The following KIF5C variants were observed in gnomAD, a reference collection of about 807,000 sequenced individuals.
KIF5C encodes the protein kinesin heavy chain isoform 5C.
A neutral mutation model predicts 125.2 loss-of-function variants in KIF5C; 18 were observed. That is an observed-to-expected ratio of 0.14 (90% CI 0.10 to 0.21). KIF5C has a LOEUF of 0.21. KIF5C is among the 10% of genes least tolerant of loss of function. The pLI is 1.00. For missense variants in KIF5C, 780 were observed against 1,183.8 expected (o/e 0.66, Z 5.01); for synonymous variants, 405 against 434.0 (o/e 0.93, Z 0.83).
intron 15 of KIF5C, among the ~76,000 whole-genome samples, chr2:148,985,004 TA>T (rs1415502872): frequency 6.6e-6 from 1 of 152,118 alleles, no homozygotes; most frequent in African/African-American, 2.4e-5. Flanking sequence ...GGTTTCTCCA[TA>T]TTGGCCAGGC....
In KIF5C at chr2:149,007,954, T is replaced by C; in HGVS notation, c.2446-9T>C. On this transcript the variant is annotated splice_polypyrimidine_tract_variant and intron_variant, in intron 22 of 25. Coordinates refer to ENST00000435030, the MANE Select transcript of KIF5C (RefSeq NM_004522.3). ...AGCCTGTCCTGCTGACCCCTTGGTG[T>C]CAATGCAGAGTGTGGAGTTGGACAA... 1.3e-6 allele frequency: 2 copies of C among 1,589,826 alleles called. No individual in the cohort carries two copies. Among genetic ancestry groups the C allele is most frequent in the Non-Finnish European group, 1.7e-6 (2 of 1,163,256 alleles).
intron 4 of KIF5C, among the ~76,000 whole-genome samples, chr2:148,939,908 A>C (rs752946707): frequency 1.3e-5 from 2 of 152,238 alleles, no homozygotes; most frequent in Non-Finnish European, 2.9e-5. Context: ...ATGACAAAAC[A>C]ACAAAATCAC....
At chr2:148,961,518 G>A (rs1325932934) in intron 10 of KIF5C, among the ~76,000 whole-genome samples, 7 of 152,140 alleles carry the variant, frequency 4.6e-5, no homozygotes, top group South Asian at 2.1e-4. Flanking sequence ...CAGAGACCTC[G>A]TCTATCTGTC....
intron 16 of KIF5C, among the ~76,000 whole-genome samples, chr2:148,991,955 G>A (rs559881856): frequency 6.6e-6 from 1 of 152,344 alleles, no homozygotes; most frequent in Admixed American, 6.5e-5. Context: ...TGATATCTGA[G>A]CTTGGTATTT....
chr2:148,993,226 A>G (rs1681573436), intron 16 of KIF5C, among the ~76,000 whole-genome samples: 1 of 152,202 alleles, frequency 6.6e-6, no homozygotes, highest in South Asian at 2.1e-4. Context: ...GGGTGTAGCC[A>G]GAGGAGGGCC....
At chr2:148,928,293 AC>A (rs983519725) in intron 2 of KIF5C, among the ~76,000 whole-genome samples, 1 of 152,194 alleles carries the variant, frequency 6.6e-6, no homozygotes, top group Non-Finnish European at 1.5e-5. Context: ...CCTGAATAGG[AC>A]ACCTCAGTGT....
At chr2:148,954,763 T>A (rs746553788) in intron 10 of KIF5C, among the ~76,000 whole-genome samples, 8 of 152,214 alleles carry the variant, frequency 5.3e-5, no homozygotes, top group Non-Finnish European at 1.2e-4. Flanking sequence ...AGTTTAGTGG[T>A]AGCTAGATTA....
At chr2:148,929,225 C>T in intron 2 of KIF5C, 56 bp from the exon 3 acceptor site, 1 of 1,082,942 alleles carries the variant, frequency 9.2e-7, no homozygotes, top group Non-Finnish European at 1.4e-6. Flanking sequence ...ATGCAACCTA[C>T]ACCAGCATAT....
chr2:148,945,450 T>C (rs75559135), intron 7 of KIF5C, among the ~76,000 whole-genome samples: 16,534 of 152,232 alleles, frequency 0.11, 1,202 homozygotes, highest in Middle Eastern at 0.2. Flanking sequence ...CAACCATATA[T>C]GTGAGGATTT....
In KIF5C at chr2:148,901,730, C is replaced by T. The variant is rs540889876; in HGVS notation, c.127-20407C>T. Among the ~76,000 whole-genome samples, 3 of 152,304 alleles carry T rather than the reference C, an allele frequency of 2.0e-5. No individual in the cohort carries two copies. The South Asian group carries it at 6.2e-4, about 32-fold the overall frequency. On this transcript the variant is annotated intron_variant, in intron 1 of 25. Coordinates refer to ENST00000435030, the MANE Select transcript of KIF5C (RefSeq NM_004522.3). ...CCATGTCAGATACCCCAGTGGCAGG[C>T]TCCTGTCACTGTAGCACTTGGTCCC...
At chr2:149,014,021 T>C (rs1239443717) in intron 25 of KIF5C, among the ~76,000 whole-genome samples, 1 of 152,164 alleles carries the variant, frequency 6.6e-6, no homozygotes, top group Non-Finnish European at 1.5e-5. Flanking sequence ...GCTGCACCCA[T>C]CAACCCATCA....
chr2:148,934,498 A>G (rs1682249096), intron 3 of KIF5C, among the ~76,000 whole-genome samples: 2 of 150,952 alleles, frequency 1.3e-5, no homozygotes, highest in African/African-American at 4.9e-5. Flanking sequence ...CCCCCCACAT[A>G]TACATGCACA....
intron 8 of KIF5C, among the ~76,000 whole-genome samples, chr2:148,949,591 C>T (rs1682608731): frequency 6.6e-6 from 1 of 152,208 alleles, no homozygotes; most frequent in Non-Finnish European, 1.5e-5. Flanking sequence ...GAAGCATCTG[C>T]AGCTCCACCA....
intron 3 of KIF5C, among the ~76,000 whole-genome samples, chr2:148,936,962 T>TTCC (rs1325575721): frequency 6.6e-5 from 10 of 152,120 alleles, no homozygotes; most frequent in Non-Finnish European, 4.4e-5. Context: ...CTGCTCCCTT[T>TTCC]TCCTCCTCCT....
intron 1 of KIF5C, among the ~76,000 whole-genome samples, chr2:148,891,297 G>A (rs1336690238): frequency 6.6e-6 from 1 of 152,086 alleles, no homozygotes; most frequent in Non-Finnish European, 1.5e-5. Flanking sequence ...ATGGAAAGTT[G>A]GAGAAAAGGT....
At chr2:149,017,671 C>G (rs182188918) in intron 25 of KIF5C, among the ~76,000 whole-genome samples, 3 of 152,226 alleles carry the variant, frequency 2.0e-5, no homozygotes, top group Non-Finnish European at 4.4e-5. Context: ...TATATTTAGA[C>G]CATTTTATCT....
At chr2:148,913,229 A>C (rs1480024344) in intron 1 of KIF5C, among the ~76,000 whole-genome samples, 1 of 152,196 alleles carries the variant, frequency 6.6e-6, no homozygotes, top group East Asian at 1.9e-4. Context: ...TACAAGATGC[A>C]ATATGGTGTT....
chr2:148,967,836 C>T (rs958720872), intron 11 of KIF5C, among the ~76,000 whole-genome samples: 5 of 151,876 alleles, frequency 3.3e-5, no homozygotes, highest in East Asian at 3.9e-4. Context: ...CTCATATGTG[C>T]GGGAGAGACT....
At chr2:149,001,491 G>A (rs1681850048) in intron 21 of KIF5C, among the ~76,000 whole-genome samples, 1 of 152,228 alleles carries the variant, frequency 6.6e-6, no homozygotes, top group Admixed American at 6.5e-5. Flanking sequence ...AAAGGCTTCA[G>A]TGATTCAGGC....
Sources: gnomAD v4.1 joint callset for allele counts (sites outside exome capture counted in the v4.1 genomes callset) on GRCh38, gnomAD v4.1.1 for gene constraint, MANE v1.5 for transcripts, NCBI Gene and HGNC (gene_info 2026-07-23, HGNC 2026-07-21) for gene names.